Variants in CNOT1 observed in about 807,000 individuals in gnomAD.
CNOT1 encodes CCR4-NOT transcription complex subunit 1.
CNOT1 carries 15 observed loss-of-function variants against 273.8 expected under a neutral mutation model. The observed-to-expected ratio is 0.05, with a 90% confidence interval of 0.04 to 0.08. CNOT1 has a LOEUF of 0.08. CNOT1 is among the 10% of genes least tolerant of loss of function. CNOT1 has a pLI of 1.00. For synonymous variants in CNOT1, 1,022 were observed against 1,005.5 expected, an observed-to-expected ratio of 1.02 and a Z score of -0.31; for missense variants, 1,644 against 2,912.2, an observed-to-expected ratio of 0.56 and a Z score of 10.02.
intron 16 of CNOT1, among the ~76,000 whole-genome samples, chr16:58,566,792 C>T (rs1264488320): frequency 1.3e-5 from 2 of 152,134 alleles, no homozygotes; most frequent in South Asian, 2.1e-4. Flanking sequence ...CGCCACCACG[C>T]CTGGCTAATT....
chr16:58,551,578 G>C lies in CNOT1; in HGVS notation c.3201+11C>G. 2 of 1,609,228 alleles carry C rather than the reference G, an allele frequency of 1.2e-6. No homozygotes were observed. The highest frequency in any genetic ancestry group is 1.7e-6 in the Non-Finnish European group (2 of 1,175,630). ...TAAATCCTGGAAGAGAAAAAAGATAGATCTACTTACTGGCACATCTTTCTT... is the reference window on the plus strand; with the variant it reads ...TAAATCCTGGAAGAGAAAAAAGATACATCTACTTACTGGCACATCTTTCTT... On this transcript the variant is annotated intron_variant, in intron 23 of 48. Transcript: ENST00000317147.
chr16:58,524,886 GC>G (rs2039534261), intron 46 of CNOT1, among the ~76,000 whole-genome samples: 1 of 152,144 alleles, frequency 6.6e-6, no homozygotes, highest in Non-Finnish European at 1.5e-5. Flanking sequence ...GTAACAAGAG[GC>G]TATGTTTAAA....
intron 10 of CNOT1, among the ~76,000 whole-genome samples, chr16:58,582,123 CA>C (rs930219983): frequency 0.013 from 1,336 of 99,402 alleles, 25 homozygotes; most frequent in African/African-American, 0.05. Context: ...ACTAAAAATA[CA>C]AAAAAAAAAA....
chr16:58,597,388 T>C (rs1195497227), intron 2 of CNOT1, among the ~76,000 whole-genome samples: 8 of 152,012 alleles, frequency 5.3e-5, no homozygotes, highest in South Asian at 2.1e-4. Flanking sequence ...GATAGGAAGA[T>C]TGCTTGAACC....
chr16:58,586,570 G>A lies in CNOT1; in HGVS notation c.612C>T (p.Asp204=). The change falls in exon 7 of 49, where the codon GAC becomes GAT. Residue 204 remains aspartate (D), a synonymous_variant. Transcript: ENST00000317147. ...CTCTGCGCAGCGTCTTAAGAAAAGCGTCTATCTGTTCTTGTCCAACTCCAA... is the reference window on the plus strand; with the variant it reads ...CTCTGCGCAGCGTCTTAAGAAAAGCATCTATCTGTTCTTGTCCAACTCCAA... The part of the protein sequence containing the change: ...GAFGVGQEQI[D]AFLKTLRRDF... The A allele has an allele frequency of 6.2e-7, 1 of 1,611,662 alleles. No homozygotes were observed. The highest frequency in any genetic ancestry group is 8.5e-7 in the Non-Finnish European group (1 of 1,179,512).
intron 30 of CNOT1, among the ~76,000 whole-genome samples, chr16:58,544,426 G>T (rs190472499): frequency 6.8e-6 from 1 of 147,402 alleles, no homozygotes; most frequent in Non-Finnish European, 1.5e-5. Context: ...AAACTTACTT[G>T]GTCCCTTTAA....
At chr16:58,553,020 C>T (rs774131157) in intron 22 of CNOT1, among the ~76,000 whole-genome samples, 1 of 152,148 alleles carries the variant, frequency 6.6e-6, no homozygotes, top group East Asian at 1.9e-4. Context: ...CACCTGTAAT[C>T]CCAGCACTTT....
intron 1 of CNOT1, among the ~76,000 whole-genome samples, chr16:58,601,734 TAAA>T (rs66711143): frequency 0.05 from 4,573 of 91,498 alleles, 227 homozygotes; most frequent in Non-Finnish European, 0.076. Flanking sequence ...ATACCCACCT[TAAA>T]AAAAAAAAAA....
At chr16:58,592,558 C>T (rs2042101451) in intron 2 of CNOT1, among the ~76,000 whole-genome samples, 2 of 152,116 alleles carry the variant, frequency 1.3e-5, no homozygotes, top group Admixed American at 6.6e-5. Flanking sequence ...CACTGCATTC[C>T]AGGCTGGTCA....
chr16:58,611,434 AAAAT>A (rs1036553471), intron 1 of CNOT1, among the ~76,000 whole-genome samples: 6 of 151,876 alleles, frequency 4.0e-5, no homozygotes, highest in African/African-American at 9.7e-5. Context: ...ATCTCCAAAA[AAAAT>A]AAATAAAATA....
chr16:58,545,618 G>GCCCC, intron 29 of CNOT1, 127 bp from the exon 30 acceptor site: 1 of 1,167,852 alleles, frequency 8.6e-7, no homozygotes, highest in Non-Finnish European at 1.2e-6. Context: ...AGGGAAGGAT[G>GCCCC]TAGCAGGTCC....
intron 42 of CNOT1, among the ~76,000 whole-genome samples, chr16:58,531,396 T>C (rs2039774369): frequency 6.6e-6 from 1 of 152,232 alleles, no homozygotes; most frequent in African/African-American, 2.4e-5. Context: ...TTAACTGTGT[T>C]GTATTACCAA....
rs892361549 is a variant in CNOT1, at chr16:58,547,047, G to A, written c.3750+139C>T. 4 of 1,239,416 alleles carry A rather than the reference G, an allele frequency of 3.2e-6. No individual in the cohort carries two copies. The highest frequency in any genetic ancestry group is 4.4e-6 in the Non-Finnish European group (4 of 917,044). The allele number at this position is 1,239,416 out of a possible 1,614,324, so 76.8% of individuals were successfully genotyped here. A position where few individuals can be genotyped will look rare whatever the true frequency, so the allele number is the denominator to read the frequency against. ...CTTATTTCACCCAGCCTCTCAAATT[G>A]GAAATCCAAGTGCCATAGAGGAAAA... On this transcript the variant is annotated intron_variant, in intron 27 of 48. Transcript: ENST00000317147. The surrounding 1 kb of genome is among the most constrained non-coding windows in gnomAD (Gnocchi z 4.0).
At chr16:58,561,646 A>C (rs2040844871) in intron 16 of CNOT1, among the ~76,000 whole-genome samples, 1 of 152,246 alleles carries the variant, frequency 6.6e-6, no homozygotes, top group Non-Finnish European at 1.5e-5. Flanking sequence ...TGAATACCAA[A>C]CGCTACAAAA....
At chr16:58,565,742 A>G (rs1287442348) in intron 16 of CNOT1, among the ~76,000 whole-genome samples, 1 of 151,460 alleles carries the variant, frequency 6.6e-6, no homozygotes, top group East Asian at 1.9e-4. Flanking sequence ...CAGGAAGTTC[A>G]AGAGCAGCCT....
chr16:58,588,916 C>T lies in CNOT1; in HGVS notation c.103-10G>A, dbSNP rs1292093863. On this transcript the variant is annotated splice_polypyrimidine_tract_variant and intron_variant, in intron 2 of 48. Coordinates refer to ENST00000317147, the MANE Select transcript of CNOT1 (RefSeq NM_016284.5). ...CGTGCCGATTCACAATCTAAAATGA[C>T]CAAAAATAACATGTTTAATAAGGGA... is the stretch of plus-strand genomic sequence containing the variant. 9 of 1,598,516 alleles carry T rather than the reference C, an allele frequency of 5.6e-6. No individual in the cohort carries two copies. The highest frequency in any genetic ancestry group is 6.8e-6 in the Non-Finnish European group (8 of 1,173,336).
intron 2 of CNOT1, among the ~76,000 whole-genome samples, chr16:58,591,322 G>A (rs1468936901): frequency 6.6e-6 from 1 of 152,138 alleles, no homozygotes; most frequent in South Asian, 2.1e-4. Flanking sequence ...TCAAGTTTTT[G>A]TTTCACTAGG....
chr16:58,552,924 G>A (rs1407247831), intron 22 of CNOT1, among the ~76,000 whole-genome samples: 8 of 152,086 alleles, frequency 5.3e-5, no homozygotes, highest in African/African-American at 1.9e-4. Flanking sequence ...CATACAAAAT[G>A]GTTTTTAAAA....
chr16:58,537,448 G>A (rs1046334103), intron 38 of CNOT1, among the ~76,000 whole-genome samples: 20 of 152,128 alleles, frequency 1.3e-4, no homozygotes, highest in South Asian at 4.1e-4. Context: ...CCCAAAAAAC[G>A]TGTTCATTTA....
Sources: allele counts gnomAD v4.1 joint callset (sites outside exome capture counted in the v4.1 genomes callset), GRCh38; gene constraint gnomAD v4.1.1; non-coding constraint Gnocchi (gnomAD v3.1); transcripts MANE v1.5; gene names NCBI Gene and HGNC (gene_info 2026-07-23, HGNC 2026-07-21).